BAZ2B: variants seen among roughly 807,000 people sequenced by gnomAD.
The protein encoded by BAZ2B is bromodomain adjacent to zinc finger domain 2B, also known as bromodomain adjacent to zinc finger domain protein 2B.
Under a neutral mutation model 246.0 loss-of-function variants are expected in BAZ2B, and 91 were observed. That is an observed-to-expected ratio of 0.37 (90% CI 0.31 to 0.44). The LOEUF (loss-of-function observed/expected upper bound fraction) is 0.44, where lower values mean the gene tolerates loss of function less well. Among genes scored for constraint, BAZ2B ranks in the 20% least tolerant of loss-of-function variants. BAZ2B has a pLI of 1.00. For synonymous variants in BAZ2B, 855 were observed against 860.0 expected (o/e 0.99, Z 0.10); for missense variants, 2,332 against 2,533.7 (o/e 0.92, Z 1.71).
chr2:159,348,955 TC>T, intron 29 of BAZ2B, 51 bp downstream of exon 29: 1 of 1,588,254 alleles, frequency 6.3e-7, no homozygotes, highest in Non-Finnish European at 8.6e-7. Context: ...AATACAGGAA[TC>T]CATAATATTG....
At chr2:159,583,545 G>C (rs148751100) in intron 1 of BAZ2B, among the ~76,000 whole-genome samples, 88 of 152,220 alleles carry the variant, frequency 5.8e-4, no homozygotes, top group African/African-American at 2.0e-3. Context: ...ACAAACATAA[G>C]TAAATCAATT....
intron 3 of BAZ2B, chr2:159,463,287 C>A: frequency 2.8e-6 from 1 of 354,036 alleles, no homozygotes; most frequent in Non-Finnish European, 5.5e-6. Flanking sequence ...TATATTTTGA[C>A]ACTTAAAAAA....
chr2:159,332,468 C>T (rs2064946064), intron 34 of BAZ2B, 72 bp downstream of exon 34: 2 of 1,446,500 alleles, frequency 1.4e-6, no homozygotes, highest in African/African-American at 2.9e-5. Context: ...GCCTGGGCAA[C>T]TGAGACCATG....
chr2:159,339,734 G>A (rs968931227), intron 31 of BAZ2B, among the ~76,000 whole-genome samples: 2 of 152,172 alleles, frequency 1.3e-5, no homozygotes, highest in African/African-American at 4.8e-5. Flanking sequence ...ATATTATTCA[G>A]TCATAAAGAA....
At chr2:159,474,773 A>G (rs974785302) in intron 3 of BAZ2B, among the ~76,000 whole-genome samples, 2 of 152,066 alleles carry the variant, frequency 1.3e-5, no homozygotes, top group Non-Finnish European at 2.9e-5. Flanking sequence ...ATCTCTTAGC[A>G]TTTGCTTGTC....
intron 2 of BAZ2B, among the ~76,000 whole-genome samples, chr2:159,525,263 A>G (rs1353035679): frequency 6.6e-6 from 1 of 152,208 alleles, no homozygotes; most frequent in Non-Finnish European, 1.5e-5. Flanking sequence ...AAAGCTGAAA[A>G]GCACTGGATA....
chr2:159,315,461 C>T (rs538423344), downstream of BAZ2B, among the ~76,000 whole-genome samples: 1 of 152,286 alleles, frequency 6.6e-6, no homozygotes, highest in East Asian at 1.9e-4. Flanking sequence ...GAATGTTTAA[C>T]TTGGGCTAAA....
the BAZ2B span, among the ~76,000 whole-genome samples, chr2:159,674,189 C>A: frequency 6.6e-6 from 1 of 151,078 alleles, no homozygotes; most frequent in East Asian, 2.0e-4. Flanking sequence ...ACAAAAACTA[C>A]CTGAGTGTGG....
At chr2:159,689,062 T>C in the BAZ2B span, among the ~76,000 whole-genome samples, 1 of 152,214 alleles carries the variant, frequency 6.6e-6, no homozygotes, top group Admixed American at 6.5e-5. Context: ...TAACCAACTC[T>C]TCACAAAATA....
chr2:159,453,394 T>C (rs966609273), intron 4 of BAZ2B, among the ~76,000 whole-genome samples: 4 of 152,192 alleles, frequency 2.6e-5, no homozygotes, highest in African/African-American at 9.6e-5. Flanking sequence ...CCTATTTCTC[T>C]AGTTAAATAC....
chr2:159,423,965 T>C (rs947961217), intron 13 of BAZ2B, among the ~76,000 whole-genome samples: 1 of 152,098 alleles, frequency 6.6e-6, no homozygotes, highest in Non-Finnish European at 1.5e-5. Flanking sequence ...GATGCACAGC[T>C]TGCCCGCTTA....
intron 11 of BAZ2B, among the ~76,000 whole-genome samples, chr2:159,428,732 T>G (rs2070478383): frequency 6.6e-6 from 1 of 152,144 alleles, no homozygotes; most frequent in Non-Finnish European, 1.5e-5. Flanking sequence ...TGAAAAGCTT[T>G]AAGGGAGGAG....
the BAZ2B span, among the ~76,000 whole-genome samples, chr2:159,692,599 G>A: frequency 6.6e-6 from 1 of 152,060 alleles, no homozygotes; most frequent in African/African-American, 2.4e-5. Context: ...GCCTGTAATC[G>A]CAGTTACTCA....
At chr2:159,697,285 G>GTAAT in the BAZ2B span, among the ~76,000 whole-genome samples, 1 of 152,058 alleles carries the variant, frequency 6.6e-6, no homozygotes, top group Admixed American at 6.6e-5. Flanking sequence ...CATTACAATG[G>GTAAT]TAATACTGCT....
At chr2:159,660,612 T>C in the BAZ2B span, among the ~76,000 whole-genome samples, 1 of 152,142 alleles carries the variant, frequency 6.6e-6, no homozygotes, top group East Asian at 1.9e-4. Flanking sequence ...TCCTCATCAA[T>C]ATATATATAT....
chr2:159,663,217 T>G, the BAZ2B span, among the ~76,000 whole-genome samples: 3 of 151,490 alleles, frequency 2.0e-5, no homozygotes, highest in Non-Finnish European at 2.9e-5. Flanking sequence ...TTTCTTTTTT[T>G]TTTTGAGACA....
chr2:159,324,984 C>G, intron 35 of BAZ2B, 30 bp from the exon 36 acceptor site: 1 of 1,415,802 alleles, frequency 7.1e-7, no homozygotes, highest in Non-Finnish European at 9.2e-7. Flanking sequence ...AAATCAGTAT[C>G]CATACTTTAC....
At chr2:159,689,582 C>T in the BAZ2B span, 1 of 232,998 alleles carries the variant, frequency 4.3e-6, no homozygotes, top group Non-Finnish European at 8.3e-6. Flanking sequence ...CCATGTTGGC[C>T]AGGCTGGTCT....
chr2:159,620,469 T>C (rs188756413), upstream of BAZ2B, among the ~76,000 whole-genome samples: 66 of 152,202 alleles, frequency 4.3e-4, no homozygotes, highest in East Asian at 0.011. Context: ...CTCATATAAA[T>C]CACATTATAA....
Sources: gnomAD v4.1 joint callset for allele counts (sites outside exome capture counted in the v4.1 genomes callset) on GRCh38, gnomAD v4.1.1 for gene constraint, MANE v1.5 for transcripts, NCBI Gene and HGNC (gene_info 2026-07-23, HGNC 2026-07-21) for gene names.